Variants in NFIA observed in about 807,000 individuals in gnomAD.
NFIA encodes nuclear factor I A.
In NFIA, 8 loss-of-function variants were observed where a neutral mutation model predicts 62.8. The observed-to-expected ratio is 0.13, with a 90% CI of 0.07 to 0.23. The LOEUF is 0.23. Among genes scored for constraint, NFIA ranks in the 10% least tolerant of loss-of-function variants. NFIA has a pLI of 1.00. For missense variants in NFIA, 410 were observed against 642.1 expected (o/e 0.64, Z 3.91); for synonymous variants, 235 against 238.1 (o/e 0.99, Z 0.12).
At chr1:61,344,748 G>C (rs1483682040) in intron 4 of NFIA, among the ~76,000 whole-genome samples, 1 of 152,184 alleles carries the variant, frequency 6.6e-6, no homozygotes, top group African/African-American at 2.4e-5. Flanking sequence ...GGACAAACTA[G>C]TCATTTCGTT....
At chr1:61,332,627 G>A (rs1275256064) in intron 4 of NFIA, 41 bp downstream of exon 4, 1 of 1,574,758 alleles carries the variant, frequency 6.4e-7, no homozygotes, top group Non-Finnish European at 8.7e-7. Flanking sequence ...GATTTGCCTT[G>A]GTTTGTGCTT....
intron 3 of NFIA, among the ~76,000 whole-genome samples, chr1:61,308,832 C>G (rs1659940073): frequency 6.6e-6 from 1 of 152,142 alleles, no homozygotes; most frequent in Non-Finnish European, 1.5e-5. Flanking sequence ...CTGTTCTTGT[C>G]TTGATTCAGA....
chr1:61,183,523 CGACCAGT>C (rs1284344145), intron 2 of NFIA, among the ~76,000 whole-genome samples: 1 of 152,216 alleles, frequency 6.6e-6, no homozygotes, highest in African/African-American at 2.4e-5. Flanking sequence ...AACACCCCAG[CGACCAGT>C]GGCCAGTGGC....
chr1:61,136,493 G>C (rs963612622), intron 2 of NFIA, among the ~76,000 whole-genome samples: 2 of 152,206 alleles, frequency 1.3e-5, no homozygotes, highest in Non-Finnish European at 2.9e-5. Context: ...AGCTTGAGTA[G>C]TATAAAAAGG....
chr1:61,438,735 G>A (rs1236105430), intron 10 of NFIA, among the ~76,000 whole-genome samples: 1 of 151,868 alleles, frequency 6.6e-6, no homozygotes, highest in East Asian at 1.9e-4. Flanking sequence ...TTTTATACTG[G>A]ATAAGAGAGG....
At chr1:61,186,559 C>G (rs907676091) in intron 2 of NFIA, among the ~76,000 whole-genome samples, 1 of 152,116 alleles carries the variant, frequency 6.6e-6, no homozygotes, top group Non-Finnish European at 1.5e-5. Flanking sequence ...GTGCCAAGAC[C>G]TCTCACATTA....
chr1:61,203,076 C>G (rs1172632405), intron 2 of NFIA, among the ~76,000 whole-genome samples: 1 of 152,230 alleles, frequency 6.6e-6, no homozygotes, highest in South Asian at 2.1e-4. Context: ...CCTGTTAACA[C>G]CTACATTTTT....
chr1:61,366,288 C>T (rs370325209), intron 6 of NFIA, among the ~76,000 whole-genome samples: 15 of 151,960 alleles, frequency 9.9e-5, no homozygotes, highest in East Asian at 9.7e-4. Context: ...TTTGGCAGAC[C>T]TAAAAAGTAA....
At chr1:61,408,022 G>A (rs1665931200) in intron 9 of NFIA, among the ~76,000 whole-genome samples, 1 of 152,192 alleles carries the variant, frequency 6.6e-6, no homozygotes, top group African/African-American at 2.4e-5. Flanking sequence ...TGATTCTGGG[G>A]GCACGGAATC....
Position 61,133,856 on chromosome 1 carries a change from T to C in NFIA, c.559+45176T>C, listed in dbSNP as rs190261958. Among the ~76,000 whole-genome samples the C allele has an allele frequency of 3.1e-3, 473 of 151,460 alleles. 4 individuals are homozygous for C. Among genetic ancestry groups the C allele is most frequent in the South Asian group, 0.022 (106 of 4,784 alleles). ...GAGACCCTGTCTCTTAAAGGAATAA[T>C]AGGGGCTGGGTGCGGTGGCTCACAC... On this transcript the variant is annotated intron_variant, in intron 2 of 10. Transcript: ENST00000403491.
chr1:61,145,456 T>G (rs1371799568), intron 2 of NFIA, among the ~76,000 whole-genome samples: 2 of 152,194 alleles, frequency 1.3e-5, no homozygotes, highest in African/African-American at 4.8e-5. Flanking sequence ...TTATCAAGGT[T>G]TATCTCCAGA....
rs188145463 is a variant in NFIA at position 61,177,756 on chromosome 1, C to G, written c.559+89076C>G. Among the ~76,000 whole-genome samples the G allele has an allele frequency of 3.9e-5, 6 of 152,018 alleles. No individual in the cohort carries two copies. In the South Asian group the frequency reaches 1.2e-3, roughly 32 times the overall value. ...GTGTGACTCCCCTTTCCATAACTCC[C>G]ACCTCAAATTTGAACCATCCTGAAT... is the stretch of plus-strand genomic sequence containing the variant. On this transcript the variant is annotated intron_variant, in intron 2 of 10. Coordinates refer to ENST00000403491, the MANE Select transcript of NFIA (RefSeq NM_001134673.4).
chr1:61,097,504 T>C (rs1239583580), intron 2 of NFIA, among the ~76,000 whole-genome samples: 1 of 152,230 alleles, frequency 6.6e-6, no homozygotes, highest in Non-Finnish European at 1.5e-5. Context: ...GATTGGGTAG[T>C]ACATTGCATT....
Position 61,417,574 on chromosome 1 carries a change from C to A in NFIA, c.1421-8891C>A, listed in dbSNP as rs116885686. On this transcript the variant is annotated intron_variant, in intron 9 of 10. Transcript: ENST00000403491. The stretch of plus-strand genomic sequence containing the variant: ...AACAGTATGAACATTCCTCTTGATA[C>A]ACATTACTTCATTGCTTTCAGAAAG... 4.4e-3 allele frequency among the ~76,000 whole-genome samples: 666 copies of A among 151,946 alleles called. 14 individuals are homozygous for A. In the East Asian group the frequency reaches 0.044, roughly 10 times the overall value.
chr1:61,157,063 C>CT (rs1648869869), intron 2 of NFIA, among the ~76,000 whole-genome samples: 1 of 152,208 alleles, frequency 6.6e-6, no homozygotes, highest in Non-Finnish European at 1.5e-5. Context: ...CATCATGTGG[C>CT]TGTTCTATAG....
chr1:61,081,961 G>A (rs1460143935), upstream of NFIA: 2 of 1,550,580 alleles, frequency 1.3e-6, no homozygotes, highest in Non-Finnish European at 1.7e-6. Flanking sequence ...TGTGCCGCCC[G>A]GCCTCCTCCT....
intron 8 of NFIA, among the ~76,000 whole-genome samples, chr1:61,406,188 A>G (rs1357992623): frequency 1.3e-5 from 2 of 152,222 alleles, no homozygotes; most frequent in Non-Finnish European, 2.9e-5. Flanking sequence ...GAGAAAGATA[A>G]TGAAGGTAGC....
chr1:61,420,324 T>A (rs1666547342), intron 9 of NFIA, among the ~76,000 whole-genome samples: 1 of 152,196 alleles, frequency 6.6e-6, no homozygotes, highest in Admixed American at 6.5e-5. Context: ...AGCCGATATA[T>A]TTTCTAACAG....
At chr1:61,444,589 G>C (rs1463468041) in intron 10 of NFIA, among the ~76,000 whole-genome samples, 1 of 152,140 alleles carries the variant, frequency 6.6e-6, no homozygotes, top group African/African-American at 2.4e-5. Flanking sequence ...AATACAGAAA[G>C]GTTGATGCAG....
Sources: gnomAD v4.1 joint callset for allele counts (sites outside exome capture counted in the v4.1 genomes callset) on GRCh38, gnomAD v4.1.1 for gene constraint, MANE v1.5 for transcripts, NCBI Gene and HGNC (gene_info 2026-07-23, HGNC 2026-07-21) for gene names.